AP1G2: variants seen among roughly 807,000 people sequenced by gnomAD.
AP1G2 encodes adaptor related protein complex 1 subunit gamma 2, also known as AP-1 complex subunit gamma-like 2.
In AP1G2, 85 loss-of-function variants were observed where a neutral mutation model predicts 95.8. The ratio of observed to expected loss-of-function variants is 0.89; its 90% CI spans 0.74 to 1.06. The LOEUF (loss-of-function observed/expected upper bound fraction) is 1.06, where lower values mean the gene tolerates loss of function less well. Among genes scored for constraint, AP1G2 ranks in the 50% least tolerant of loss-of-function variants. The pLI is 0.00. For synonymous variants in AP1G2, 378 were observed against 400.0 expected, an observed-to-expected ratio of 0.94 and a Z score of 0.66; for missense variants, 967 against 1,005.8, an observed-to-expected ratio of 0.96 and a Z score of 0.52.
At position 23,562,758 on chromosome 14, in the gene AP1G2, GAGA is replaced by G. The variant is rs1792553459; in HGVS notation, c.1411-168_1411-166del. ...CCCATCTCTATTTTAAAAAAAAAAA[GAGA>G]GAGAGAGAAAGAAAGAAACACTGCT... On this transcript the variant is annotated intron_variant, in intron 14 of 21. Coordinates refer to ENST00000397120, the MANE Select transcript of AP1G2 (RefSeq NM_003917.5). 128 of 501,874 alleles carry G rather than the reference GAGA, an allele frequency of 2.6e-4. No individual in the cohort carries two copies. In the South Asian group the frequency reaches 3.0e-3, roughly 12 times the overall value. 31.1% of individuals were successfully genotyped at this position (501,874 alleles called of 1,614,324 possible). A position where few individuals can be genotyped will look rare whatever the true frequency, so the allele number is the denominator to read the frequency against.
chr14:23,564,630 C>T lies in AP1G2; in HGVS notation c.853G>A (p.Ala285Thr). Residue 285 changes from alanine to threonine, a missense_variant, in exon 9 of 22, where the codon GCC becomes ACC. Physicochemically the swap from Ala to Thr is moderately conservative, Grantham distance 58 (BLOSUM62 0). Transcript: ENST00000397120. ...GTCTCAAACAGGACCGCATTTCCGG[C>T]ATTTCGGCTGGTGTCCGTGTTAGTG... The part of the protein sequence containing the change: ...VATNTDTSRN[A>T]GNAVLFETVL... The T allele has an allele frequency of 6.2e-7, 1 of 1,613,784 alleles. No individual in the cohort carries two copies. The highest frequency in any genetic ancestry group is 8.5e-7 in the Non-Finnish European group (1 of 1,179,998).
rs1439011626 is a variant in AP1G2 at position 23,563,653 on chromosome 14, G to T, written c.1233-15C>A. Reference sequence around the variant, plus strand: ...TTGGAGCAAACCTAGGGGATATATGGCTCATCAGTCCTGGTACTGACGCTC... The same window carrying T: ...TTGGAGCAAACCTAGGGGATATATGTCTCATCAGTCCTGGTACTGACGCTC... On this transcript the variant is annotated splice_polypyrimidine_tract_variant and intron_variant, in intron 12 of 21. Coordinates refer to ENST00000397120, the MANE Select transcript of AP1G2 (RefSeq NM_003917.5). 1 of 1,614,186 alleles carries T rather than the reference G, an allele frequency of 6.2e-7. No individual in the cohort carries two copies. The highest frequency in any genetic ancestry group is 8.5e-7 in the Non-Finnish European group (1 of 1,180,030).
Position 23,560,063 on chromosome 14 carries a change from A to T in AP1G2, c.2158-27T>A, listed in dbSNP as rs201685013. ...TGAACACAGGAGTTTAACAGAGCAC[A>T]GTATGGCAGTAGGTAGGGCTCAGGC... On this transcript the variant is annotated intron_variant, in intron 20 of 21. Coordinates refer to ENST00000397120, the MANE Select transcript of AP1G2 (RefSeq NM_003917.5). The T allele has an allele frequency of 3.6e-4, 548 of 1,513,130 alleles. 1 individual carries two copies. The highest frequency in any genetic ancestry group is 4.7e-4 in the Non-Finnish European group (512 of 1,096,396). 93.7% of individuals were successfully genotyped at this position (1,513,130 alleles called of 1,614,324 possible).
rs1352328745 is a variant in AP1G2 at position 23,562,788 on chromosome 14, G to C, written c.1411-195C>G. 4.8e-6 allele frequency: 3 copies of C among 629,146 alleles called. No homozygotes were observed. The African/African-American group carries it at 5.5e-5, about 12-fold the overall frequency. The allele number at this position is 629,146 out of a possible 1,614,324, so 39.0% of individuals were successfully genotyped here. ...AGAGAGAAAGAAAGAAACACTGCTG[G>C]GCCAGTGTCTGAGGTCCCCTCCTCA... On this transcript the variant is annotated intron_variant, in intron 14 of 21. Coordinates refer to ENST00000397120, the MANE Select transcript of AP1G2 (RefSeq NM_003917.5).
At position 23,567,404 on chromosome 14, in the gene AP1G2, A is replaced by G; in HGVS notation, c.-5-85T>C. 1 of 1,473,812 alleles carries G rather than the reference A, an allele frequency of 6.8e-7. No homozygotes were observed. Among genetic ancestry groups the G allele is most frequent in the Non-Finnish European group, 8.9e-7 (1 of 1,120,078 alleles). The allele number at this position is 1,473,812 out of a possible 1,614,324, so 91.3% of individuals were successfully genotyped here. ...CAGGCCCGTCCTGTGTCAAGACCCT[A>G]AGAGCCCGGGTCCCACAGGTACCCT... On this transcript the variant is annotated intron_variant, in intron 1 of 21. Coordinates refer to ENST00000397120, the MANE Select transcript of AP1G2 (RefSeq NM_003917.5). This position sits in a 1 kb window ranked among gnomAD's most constrained non-coding sequence, Gnocchi z 5.3.
Position 23,561,980 on chromosome 14 carries a change from C to T in AP1G2, c.1715G>A (p.Arg572Gln), listed in dbSNP as rs760833509. The change falls in exon 17 of 22, where the codon CGG becomes CAG. Residue 572 changes from arginine to glutamine, a missense_variant. Arg to Gln is a conservative substitution (Grantham distance 43). Coordinates refer to ENST00000397120, the MANE Select transcript of AP1G2 (RefSeq NM_003917.5). Reference sequence around the variant, plus strand: ...GACACACCTCATGTGGTCGTATTTCCGGAAGAGTGTGTCATACTCCACAGC... The same window carrying T: ...GACACACCTCATGTGGTCGTATTTCTGGAAGAGTGTGTCATACTCCACAGC... ...QRAVEYDTLF[R>Q]KYDHMRAAIL... 22 of 1,611,608 alleles carry T rather than the reference C, an allele frequency of 1.4e-5. No homozygotes were observed. The highest frequency in any genetic ancestry group is 8.4e-5 in the Admixed American group (5 of 59,758).
chr14:23,566,127 C>A lies in AP1G2; in HGVS notation c.505G>T (p.Val169Phe). The A allele has an allele frequency of 6.2e-7, 1 of 1,609,390 alleles. No homozygotes were observed. The highest frequency in any genetic ancestry group is 8.5e-7 in the Non-Finnish European group (1 of 1,177,064). The change falls in exon 5 of 22, where the codon GTC becomes TTC. Residue 169 changes from valine to phenylalanine, a missense_variant. Physicochemically the swap from Val to Phe is conservative, Grantham distance 50. Transcript: ENST00000397120. ...AGGAAGACACTGGAGAGTTCAGGGA[C>A]CTTCCGGATCATGTGCACTGCAGTC... ...ILTAVHMIRK[V>F]PELSSVFLPP...
At position 23,559,981 on chromosome 14, in the gene AP1G2, C is replaced by G; in HGVS notation, c.2213G>C (p.Gly738Ala). 6.2e-7 allele frequency: 1 copy of G among 1,613,064 alleles called. No homozygotes were observed. Among genetic ancestry groups the G allele is most frequent in the African/African-American group, 1.3e-5 (1 of 75,024 alleles). ...PSGNTVPARG[G>A]LPITQLFRIL... ...TCTGAAGAGCTGGGTGATAGGAAGG[C>G]CACCCCGAGCTGGAACTGTGTTCCC... The change falls in exon 21 of 22, where the codon GGC becomes GCC. Residue 738 changes from glycine to alanine, a missense_variant. By Grantham distance (60) the Gly-to-Ala change is moderately conservative. Coordinates refer to ENST00000397120, the MANE Select transcript of AP1G2 (RefSeq NM_003917.5).
In AP1G2 at chr14:23,562,401, T is replaced by G; in HGVS notation, c.1515A>C (p.Glu505Asp). 2 of 1,614,188 alleles carry G rather than the reference T, an allele frequency of 1.2e-6. No homozygotes were observed. The highest frequency in any genetic ancestry group is 1.7e-6 in the Non-Finnish European group (2 of 1,180,024). ...EIEPLQVDEE[E>D]VLALLEKVLQ... ...GCACCTTTTCCAGCAATGCCAGCAC[T>G]TCCTCTTCGTCCACCTTCAGACATG... is the stretch of plus-strand genomic sequence containing the variant. Residue 505 changes from glutamate (E) to aspartate (D), a missense_variant, in exon 16 of 22, where the codon GAA (glutamate) becomes GAC (aspartate). Coordinates refer to ENST00000397120, the MANE Select transcript of AP1G2 (RefSeq NM_003917.5).
Position 23,565,665 on chromosome 14 carries a change from C to G in AP1G2, c.682G>C (p.Val228Leu). The change falls in exon 7 of 22, where the codon GTG becomes CTG. Residue 228 changes from valine (V) to leucine (L), a missense_variant. Transcript: ENST00000397120. ...TGTTCTGTGGAGTATCCCATTGTCA[C>G]CAGAGTCCGGAGGATGTGTACCAGC... ...PQLVHILRTL[V>L]TMGYSTEHSI... 1 of 1,614,178 alleles carries G rather than the reference C, an allele frequency of 6.2e-7. No individual in the cohort carries two copies. The highest frequency in any genetic ancestry group is 8.5e-7 in the Non-Finnish European group (1 of 1,180,018).
Position 23,567,536 on chromosome 14 carries a change from C to T in AP1G2, c.-6+203G>A. 1.5e-6 allele frequency: 2 copies of T among 1,352,390 alleles called. No homozygotes were observed. Among genetic ancestry groups the T allele is most frequent in the South Asian group, 3.8e-5 (2 of 52,978 alleles). 83.8% of individuals were successfully genotyped at this position (1,352,390 alleles called of 1,614,324 possible). A position where few individuals can be genotyped will look rare whatever the true frequency, so the allele number is the denominator to read the frequency against. On this transcript the variant is annotated intron_variant, in intron 1 of 21. Coordinates refer to ENST00000397120, the MANE Select transcript of AP1G2 (RefSeq NM_003917.5). The surrounding 1 kb of genome is among the most constrained non-coding windows in gnomAD (Gnocchi z 5.3). ...CATGCGTCCGCACCCCACCGGCGCCCCTTCCTATTGAGCATGCGCGGGAGC... is the reference window on the plus strand; with the variant it reads ...CATGCGTCCGCACCCCACCGGCGCCTCTTCCTATTGAGCATGCGCGGGAGC...
chr14:23,565,358 A>AT, intron 7 of AP1G2, 159 bp from the exon 8 acceptor site: 1 of 776,226 alleles, frequency 1.3e-6, no homozygotes, highest in Non-Finnish European at 2.1e-6. Context: ...AGGGGAACAG[A>AT]GGTGTGTGAG....
At position 23,562,394 on chromosome 14, in the gene AP1G2, C is replaced by G. The variant is rs1156383857; in HGVS notation, c.1522G>C (p.Ala508Pro). Residue 508 changes from alanine (A) to proline (P), a missense_variant, in exon 16 of 22, where the codon GCA becomes CCA. Physicochemically the swap from Ala to Pro is conservative, Grantham distance 27 (BLOSUM62 -1). Coordinates refer to ENST00000397120, the MANE Select transcript of AP1G2 (RefSeq NM_003917.5). Reference protein sequence around the residue: ...PLQVDEEEVLALLEKVLQSHM... With the variant: ...PLQVDEEEVLPLLEKVLQSHM... ...GACTGCAGCACCTTTTCCAGCAATGCCAGCACTTCCTCTTCGTCCACCTTC... is the reference window on the plus strand; with the variant it reads ...GACTGCAGCACCTTTTCCAGCAATGGCAGCACTTCCTCTTCGTCCACCTTC... The G allele has an allele frequency of 6.2e-7, 1 of 1,614,164 alleles. No individual in the cohort carries two copies. The highest frequency in any genetic ancestry group is 8.5e-7 in the Non-Finnish European group (1 of 1,180,014).
Position 23,566,393 on chromosome 14 carries a change from A to G in AP1G2, c.356T>C (p.Val119Ala), listed in dbSNP as rs756055614. 1.2e-5 allele frequency: 19 copies of G among 1,614,020 alleles called. No homozygotes were observed. In the Admixed American group the frequency reaches 3.2e-4, roughly 27 times the overall value. Residue 119 changes from valine (V) to alanine (A), a missense_variant, in exon 4 of 22, where the codon GTA becomes GCA. Val to Ala is a moderately conservative substitution (Grantham distance 64). Coordinates refer to ENST00000397120, the MANE Select transcript of AP1G2 (RefSeq NM_003917.5). ...CAAAGTGCACAAGGCCAGGCCTTGT[A>G]CTGGCTGAATCCCCTGGCTCAGGTC... ...KNDLSQGIQPVQGLALCTLST... is the reference protein window; with the variant it reads ...KNDLSQGIQPAQGLALCTLST...
intron 17 of AP1G2, 25 bp downstream of exon 17, chr14:23,561,937 T>A (rs758206386): frequency 6.3e-7 from 1 of 1,586,420 alleles, no homozygotes; most frequent in Non-Finnish European, 8.6e-7. Context: ...TTGGGTCCCA[T>A]GCTGCAGCAC....
chr14:23,561,522 G>C lies in AP1G2; in HGVS notation c.1847C>G (p.Thr616Arg). 6.2e-7 allele frequency: 1 copy of C among 1,614,206 alleles called. No individual in the cohort carries two copies. Among genetic ancestry groups the C allele is most frequent in the South Asian group, 1.1e-5 (1 of 91,080 alleles). ...TTCTAGCCTTCTCACCTGGGGCTCT[G>C]TGGGCACTGGGGCTGCTTCTGAAAG... ...AQLSEAAPVPTEPQASQLLDL... is the reference protein window; with the variant it reads ...AQLSEAAPVPREPQASQLLDL... Residue 616 changes from threonine (T) to arginine (R), a missense_variant, in exon 18 of 22, where the codon ACA becomes AGA. Thr to Arg is a moderately conservative substitution (Grantham distance 71). Transcript: ENST00000397120.
Position 23,567,376 on chromosome 14 carries a change from G to A in AP1G2, c.-5-57C>T. 1 of 1,543,568 alleles carries A rather than the reference G, an allele frequency of 6.5e-7. No individual in the cohort carries two copies. The highest frequency in any genetic ancestry group is 1.2e-5 in the South Asian group (1 of 83,244). ...CTGGTCGGGCGTGCCTGGGCTTTCG[G>A]CCCAGGCCCGTCCTGTGTCAAGACC... On this transcript the variant is annotated intron_variant, in intron 1 of 21. Transcript: ENST00000397120. The surrounding 1 kb of genome is among the most constrained non-coding windows in gnomAD (Gnocchi z 5.3).
intron 8 of AP1G2, 43 bp downstream of exon 8, chr14:23,565,076 G>T (rs771605503): frequency 6.3e-7 from 1 of 1,597,164 alleles, no homozygotes; most frequent in Non-Finnish European, 8.6e-7. Flanking sequence ...GGCTGATGGG[G>T]TCTCCAAGCA....
chr14:23,560,006 C>T lies in AP1G2; in HGVS notation c.2188G>A (p.Gly730Arg), dbSNP rs745504782. The change falls in exon 21 of 22, where the codon GGG (glycine) becomes AGG (arginine). Residue 730 changes from glycine (G) to arginine (R), a missense_variant. Gly to Arg is a moderately radical substitution (Grantham distance 125). Coordinates refer to ENST00000397120, the MANE Select transcript of AP1G2 (RefSeq NM_003917.5). ...SLQLQLQAPS[G>R]NTVPARGGLP... ...CCACCCCGAGCTGGAACTGTGTTCCCACTGGGGGCCTGCAGCTGCAGCTGG... is the reference window on the plus strand; with the variant it reads ...CCACCCCGAGCTGGAACTGTGTTCCTACTGGGGGCCTGCAGCTGCAGCTGG... The T allele has an allele frequency of 2.5e-5, 40 of 1,610,842 alleles. No homozygotes were observed. The South Asian group carries it at 2.8e-4, about 11-fold the overall frequency.
Sources: gnomAD v4.1 joint callset for allele counts on GRCh38, gnomAD v4.1.1 for gene constraint, Gnocchi (gnomAD v3.1) non-coding constraint, MANE v1.5 for transcripts, NCBI Gene and HGNC (gene_info 2026-07-23, HGNC 2026-07-21) for gene names.